The following DPF3 variants were observed in gnomAD, a reference collection of about 807,000 sequenced individuals.
The protein encoded by DPF3 is zinc finger protein DPF3.
A neutral mutation model predicts 56.8 loss-of-function variants in DPF3; 18 were observed. The ratio of observed to expected loss-of-function variants is 0.32; its 90% CI spans 0.22 to 0.47. The LOEUF is 0.47. DPF3 is among the 20% of genes least tolerant of loss of function. The pLI is 1.00. For missense variants in DPF3, 403 were observed against 488.8 expected (o/e 0.82, Z 1.65); for synonymous variants, 188 against 180.2 (o/e 1.04, Z -0.35).
In DPF3 at chr14:72,618,043, C is replaced by G. The variant is rs1034323313; in HGVS notation, c.*1254G>C. 9.1e-5 allele frequency among the ~76,000 whole-genome samples: 13 copies of G among 142,550 alleles called. No individual in the cohort carries two copies. Among genetic ancestry groups the G allele is most frequent in the Non-Finnish European group, 1.8e-4 (12 of 65,514 alleles). 93.5% of individuals were successfully genotyped at this position (142,550 alleles called of 152,430 possible). ...TCTCGGAAGCTCAGCCTCCCCACCT[C>G]TTTCTTCTAGACACATTTTTTTTTG... On this transcript the variant is annotated 3_prime_UTR_variant, in exon 11 of 11. Transcript: ENST00000556509.
intron 1 of DPF3, among the ~76,000 whole-genome samples, chr14:72,812,606 G>A (rs146553606): frequency 7.9e-5 from 12 of 152,234 alleles, no homozygotes; most frequent in African/African-American, 1.9e-4. Flanking sequence ...CTGGCGGAGC[G>A]GAGAGTACGG....
chr14:72,756,928 A>AAGAAAGAAGAGAAGAGAAGAGAAG (rs1428028523), intron 2 of DPF3, among the ~76,000 whole-genome samples: 41 of 139,170 alleles, frequency 2.9e-4, no homozygotes, highest in African/African-American at 1.2e-3. Context: ...GAAAGAAAGA[A>AAGAAAGAAGAGAAGAGAAGAGAAG]AGAAGAGAAG....
chr14:72,726,677 C>T (rs1889420276), intron 4 of DPF3, among the ~76,000 whole-genome samples: 1 of 152,140 alleles, frequency 6.6e-6, no homozygotes, highest in African/African-American at 2.4e-5. Flanking sequence ...CATCAGGAGT[C>T]GCCGACGGGG....
intron 1 of DPF3, among the ~76,000 whole-genome samples, chr14:72,848,197 G>A (rs1028532950): frequency 7.3e-5 from 11 of 151,354 alleles, no homozygotes; most frequent in African/African-American, 1.7e-4. Context: ...TCGCTCTGTC[G>A]CCCAGGCTGG....
intron 1 of DPF3, chr14:72,892,006 C>A: frequency 1.1e-5 from 7 of 629,032 alleles, no homozygotes; most frequent in East Asian, 5.4e-5. Context: ...TACACAGACT[C>A]CCTCCCCAAA....
Position 72,708,406 on chromosome 14 carries a change from C to T in DPF3, c.604+6017G>A, listed in dbSNP as rs1462947377. Among the ~76,000 whole-genome samples the T allele has an allele frequency of 3.3e-5, 5 of 152,108 alleles. No homozygotes were observed. In the East Asian group the frequency reaches 7.7e-4, roughly 23 times the overall value. ...CCACAAATCAAGTTTCTGGGGGCAC[C>T]GAGCCTTTCCTCCCCTCCCCGATCC... On this transcript the variant is annotated intron_variant, in intron 6 of 10. Transcript: ENST00000556509.
intron 8 of DPF3, among the ~76,000 whole-genome samples, chr14:72,638,598 G>C (rs985692981): frequency 6.6e-6 from 1 of 152,186 alleles, no homozygotes; most frequent in African/African-American, 2.4e-5. Context: ...CCATGAATTA[G>C]AAGATGAATT....
At chr14:72,774,630 AAAAACAAACAAC>A (rs2139950107) in intron 1 of DPF3, among the ~76,000 whole-genome samples, 1 of 152,338 alleles carries the variant, frequency 6.6e-6, no homozygotes, top group East Asian at 1.9e-4. Flanking sequence ...GCATCCAAAA[AAAAACAAACAAC>A]AAAACAAAAA....
At chr14:72,854,022 C>G (rs1446697981) in intron 1 of DPF3, among the ~76,000 whole-genome samples, 3 of 152,184 alleles carry the variant, frequency 2.0e-5, no homozygotes, top group Non-Finnish European at 4.4e-5. Context: ...CACATAAACT[C>G]ATGAAACCAA....
chr14:72,686,529 C>T (rs1887418545), intron 7 of DPF3, among the ~76,000 whole-genome samples: 1 of 152,232 alleles, frequency 6.6e-6, no homozygotes, highest in East Asian at 1.9e-4. Flanking sequence ...CTGACCAACT[C>T]CACAGCCATT....
chr14:72,714,641 T>A, intron 5 of DPF3, 140 bp from the exon 6 acceptor site: 1 of 894,364 alleles, frequency 1.1e-6, no homozygotes, highest in Non-Finnish European at 1.7e-6. Flanking sequence ...GGGAGGAAAC[T>A]GAGGCCCAGA....
intron 2 of DPF3, among the ~76,000 whole-genome samples, chr14:72,758,581 A>T (rs1422474536): frequency 6.6e-6 from 1 of 152,182 alleles, no homozygotes; most frequent in Non-Finnish European, 1.5e-5. Context: ...AGGAAACTAG[A>T]TAGGACTGGG....
intron 8 of DPF3, among the ~76,000 whole-genome samples, chr14:72,663,870 C>A (rs562260481): frequency 2.0e-5 from 3 of 152,240 alleles, no homozygotes; most frequent in African/African-American, 7.2e-5. Context: ...TCTCCTGGTA[C>A]CCAAGCATCA....
chr14:72,631,126 T>C (rs1235135822), intron 8 of DPF3, among the ~76,000 whole-genome samples: 3 of 152,150 alleles, frequency 2.0e-5, no homozygotes, highest in East Asian at 1.9e-4. Flanking sequence ...CTGAGTTATC[T>C]TGGAGAGGGC....
intron 6 of DPF3, among the ~76,000 whole-genome samples, chr14:72,700,764 C>T (rs1270926460): frequency 1.3e-5 from 2 of 152,206 alleles, no homozygotes; most frequent in African/African-American, 4.8e-5. Flanking sequence ...CCTCTCTGTG[C>T]CTCAGCATCC....
At position 72,723,281 on chromosome 14, in the gene DPF3, C is replaced by T. The variant is rs548906396; in HGVS notation, c.525+352G>A. Among the ~76,000 whole-genome samples the T allele has an allele frequency of 2.3e-3, 349 of 152,072 alleles. 2 individuals are homozygous for T. The highest frequency in any genetic ancestry group is 7.8e-3 in the African/African-American group (324 of 41,462). On this transcript the variant is annotated intron_variant, in intron 5 of 10. Coordinates refer to ENST00000556509, the MANE Select transcript of DPF3 (RefSeq NM_001280542.3). ...GTACCCTGACTCTGTCATTCTGGCA[C>T]AGCACCAGGGACAAGGCAGGAAATG... is the stretch of plus-strand genomic sequence containing the variant.
Position 72,618,773 on chromosome 14 carries a change from A to C in DPF3, c.*524T>G, listed in dbSNP as rs1413687830. On this transcript the variant is annotated 3_prime_UTR_variant, in exon 11 of 11. Transcript: ENST00000556509. ...ACACCAAGGAACAAGAAAGGGTTTC[A>C]AGACCCCAAGTCTAGAAGTTTCCAG... is the stretch of plus-strand genomic sequence containing the variant. Among the ~76,000 whole-genome samples, 1 of 152,304 alleles carries C rather than the reference A, an allele frequency of 6.6e-6. No homozygotes were observed. The highest frequency in any genetic ancestry group is 1.5e-5 in the Non-Finnish European group (1 of 68,018).
At chr14:72,821,291 GAA>G (rs1005029899) in intron 1 of DPF3, among the ~76,000 whole-genome samples, 4 of 151,908 alleles carry the variant, frequency 2.6e-5, no homozygotes, top group African/African-American at 9.7e-5. Flanking sequence ...CTCAAAACAA[GAA>G]AAAACAAGTC....
At chr14:72,767,965 C>T (rs1891361621) in intron 2 of DPF3, among the ~76,000 whole-genome samples, 2 of 152,086 alleles carry the variant, frequency 1.3e-5, no homozygotes, top group Non-Finnish European at 2.9e-5. Flanking sequence ...GCAGATTTCT[C>T]ATCACTAACC....
Sources: gnomAD v4.1 joint callset for allele counts (sites outside exome capture counted in the v4.1 genomes callset) on GRCh38, gnomAD v4.1.1 for gene constraint, MANE v1.5 for transcripts, NCBI Gene and HGNC (gene_info 2026-07-23, HGNC 2026-07-21) for gene names.